The following PARP8 variants were observed in gnomAD, a reference collection of about 807,000 sequenced individuals.
The protein encoded by PARP8 is poly(ADP-ribose) polymerase family member 8, also known as protein mono-ADP-ribosyltransferase PARP8.
In PARP8, 51 loss-of-function variants were observed where a neutral mutation model predicts 124.1. The ratio of observed to expected loss-of-function variants is 0.41; its 90% CI spans 0.33 to 0.52. The LOEUF (loss-of-function observed/expected upper bound fraction) is 0.52, where lower values mean the gene tolerates loss of function less well. Ranked by LOEUF, PARP8 falls within the 20% of genes least tolerant of loss-of-function variation. The probability of loss-of-function intolerance (pLI) is 0.21; values close to 1 mark genes in which losing one functional copy is unlikely to be tolerated. For missense variants in PARP8, 860 were observed against 1,018.9 expected, an observed-to-expected ratio of 0.84 and a Z score of 2.12; for synonymous variants, 391 against 361.5, an observed-to-expected ratio of 1.08 and a Z score of -0.93.
intron 15 of PARP8, among the ~76,000 whole-genome samples, chr5:50,815,958 T>C (rs1049622957): frequency 4.6e-5 from 7 of 151,910 alleles, no homozygotes; most frequent in African/African-American, 1.5e-4. Flanking sequence ...GTTTCAGAGA[T>C]AGGAAGAAAA....
At chr5:50,692,106 T>C (rs1752554835) in intron 2 of PARP8, among the ~76,000 whole-genome samples, 1 of 152,104 alleles carries the variant, frequency 6.6e-6, no homozygotes, top group Non-Finnish European at 1.5e-5. Flanking sequence ...ATTCAACCCA[T>C]AGCAAAATTA....
chr5:50,710,488 AC>A (rs1318286313), intron 2 of PARP8, among the ~76,000 whole-genome samples: 2 of 151,982 alleles, frequency 1.3e-5, no homozygotes, highest in Non-Finnish European at 2.9e-5. Flanking sequence ...TTAGAAGGAA[AC>A]CTTTTTTAAA....
chr5:50,841,439 TAC>T (rs1748165195), intron 25 of PARP8, among the ~76,000 whole-genome samples: 2 of 151,786 alleles, frequency 1.3e-5, no homozygotes. Context: ...AAGAATATGT[TAC>T]AGTCAGACTA....
At chr5:50,801,326 T>C (rs976371639) in intron 14 of PARP8, among the ~76,000 whole-genome samples, 1 of 152,132 alleles carries the variant, frequency 6.6e-6, no homozygotes, top group African/African-American at 2.4e-5. Context: ...CTCAAACTCC[T>C]GACCTCAGGT....
rs150095805 is a variant in PARP8 at position 50,727,749 on chromosome 5, C to T, written c.147-22402C>T. Among the ~76,000 whole-genome samples, 461 of 152,264 alleles carry T rather than the reference C, an allele frequency of 3.0e-3. 3 individuals carry two copies. The highest frequency in any genetic ancestry group is 4.9e-3 in the Non-Finnish European group (336 of 68,014). ...CAAATTCCGCAATTATTTTCTTTTA[C>T]TCATCCACGTATTTTTGTCCCATCA... On this transcript the variant is annotated intron_variant, in intron 2 of 25. Coordinates refer to ENST00000281631, the MANE Select transcript of PARP8 (RefSeq NM_024615.4).
chr5:50,712,214 G>T (rs766050825), intron 2 of PARP8, among the ~76,000 whole-genome samples: 3 of 152,108 alleles, frequency 2.0e-5, no homozygotes, highest in Non-Finnish European at 4.4e-5. Context: ...TTGGCTGTTG[G>T]TTACCATTTT....
intron 2 of PARP8, among the ~76,000 whole-genome samples, chr5:50,719,027 T>A (rs1389530771): frequency 6.6e-6 from 1 of 152,044 alleles, no homozygotes; most frequent in East Asian, 1.9e-4. Context: ...AGATGGTAAC[T>A]CATTGTAGTT....
chr5:50,723,502 T>G (rs560243774), intron 2 of PARP8, among the ~76,000 whole-genome samples: 6 of 152,174 alleles, frequency 3.9e-5, no homozygotes, highest in Admixed American at 3.3e-4. Flanking sequence ...GTGATTTTTT[T>G]TGTGTGTGGT....
At chr5:50,726,369 C>A (rs1172588471) in intron 2 of PARP8, among the ~76,000 whole-genome samples, 1 of 152,112 alleles carries the variant, frequency 6.6e-6, no homozygotes, top group African/African-American at 2.4e-5. Flanking sequence ...AGTTCATTAG[C>A]TACTTTTCAA....
rs1747378180 is a variant in PARP8 at position 50,834,783 on chromosome 5, A to T, written c.2378-148A>T. On this transcript the variant is annotated intron_variant, in intron 24 of 25. Coordinates refer to ENST00000281631, the MANE Select transcript of PARP8 (RefSeq NM_024615.4). ...TCACTGTTTTTATCTATATTTCTTC[A>T]TAGACAATAAGGCTAAACAATTTTT... 3 of 704,612 alleles carry T rather than the reference A, an allele frequency of 4.3e-6. No homozygotes were observed. The Admixed American group carries it at 6.4e-5, about 15-fold the overall frequency. 43.6% of individuals were successfully genotyped at this position (704,612 alleles called of 1,614,324 possible). A position where few individuals can be genotyped will look rare whatever the true frequency, so the allele number is the denominator to read the frequency against.
intron 7 of PARP8, among the ~76,000 whole-genome samples, chr5:50,765,567 A>AT (rs1182562711): frequency 2.0e-5 from 3 of 152,150 alleles, no homozygotes; most frequent in Non-Finnish European, 4.4e-5. Context: ...AGTGTTTTGA[A>AT]TTTTTTCCCC....
Position 50,761,821 on chromosome 5 carries a change from G to A in PARP8, c.346G>A (p.Glu116Lys). The change falls in exon 6 of 26, where the codon GAA becomes AAA. Residue 116 changes from glutamate to lysine, a missense_variant and splice_region_variant. Physicochemically the swap from Glu to Lys is moderately conservative, Grantham distance 56. Coordinates refer to ENST00000281631, the MANE Select transcript of PARP8 (RefSeq NM_024615.4). ...TGTTTTCTTACTTTATTATTTTAAGGAATCAAGACAGAATAGTACAGTGGA... is the reference window on the plus strand; with the variant it reads ...TGTTTTCTTACTTTATTATTTTAAGAAATCAAGACAGAATAGTACAGTGGA... ...KSKLQKENGE[E>K]SRQNSTVEED... The A allele has an allele frequency of 6.4e-7, 1 of 1,557,830 alleles. No individual in the cohort carries two copies. Among genetic ancestry groups the A allele is most frequent in the Non-Finnish European group, 8.7e-7 (1 of 1,147,694 alleles).
At chr5:50,757,284 A>G (rs1377202309) in intron 3 of PARP8, 16 of 395,930 alleles carry the variant, frequency 4.0e-5, no homozygotes, top group East Asian at 3.6e-4. Flanking sequence ...AAACAGGCCA[A>G]TAATCAGTAA....
chr5:50,819,171 C>T (rs372324438), intron 15 of PARP8, among the ~76,000 whole-genome samples: 6 of 152,246 alleles, frequency 3.9e-5, no homozygotes, highest in African/African-American at 1.4e-4. Flanking sequence ...AATTGAGTCA[C>T]AGTAGTTACA....
chr5:50,832,944 GA>G (rs2149720013), intron 23 of PARP8, 90 bp downstream of exon 23: 1 of 1,171,966 alleles, frequency 8.5e-7, no homozygotes, highest in Non-Finnish European at 1.2e-6. Context: ...TTTTAAGTCT[GA>G]AAAATTATTT....
At chr5:50,743,665 A>T (rs1369843897) in intron 2 of PARP8, among the ~76,000 whole-genome samples, 1 of 152,108 alleles carries the variant, frequency 6.6e-6, no homozygotes, top group Admixed American at 6.5e-5. Flanking sequence ...GATGGCTCAA[A>T]TCTGTAATCC....
chr5:50,697,802 A>G (rs1187636535), intron 2 of PARP8, among the ~76,000 whole-genome samples: 3 of 152,236 alleles, frequency 2.0e-5, no homozygotes, highest in Non-Finnish European at 4.4e-5. Flanking sequence ...GAGGATATTC[A>G]AAGCTATATC....
chr5:50,776,788 C>T (rs1338037277), intron 7 of PARP8, among the ~76,000 whole-genome samples: 10 of 152,028 alleles, frequency 6.6e-5, no homozygotes. Flanking sequence ...TATAAAAGTG[C>T]CACAATTATG....
chr5:50,711,300 T>G (rs1754748530), intron 2 of PARP8, among the ~76,000 whole-genome samples: 1 of 152,142 alleles, frequency 6.6e-6, no homozygotes, highest in Non-Finnish European at 1.5e-5. Flanking sequence ...AAATCATACC[T>G]TAGTGAAAAT....
Sources: gnomAD v4.1 joint callset for allele counts (sites outside exome capture counted in the v4.1 genomes callset) on GRCh38, gnomAD v4.1.1 for gene constraint, MANE v1.5 for transcripts, NCBI Gene and HGNC (gene_info 2026-07-23, HGNC 2026-07-21) for gene names.